The following DENND2B variants were observed in gnomAD, a reference collection of about 807,000 sequenced individuals.
DENND2B encodes the protein DENN domain-containing protein 2B.
DENND2B carries 32 observed loss-of-function variants against 116.0 expected under a neutral mutation model. The observed-to-expected ratio is 0.28, with a 90% CI of 0.21 to 0.37. The LOEUF (loss-of-function observed/expected upper bound fraction) is 0.37. Among genes scored for constraint, DENND2B ranks in the 10% least tolerant of loss-of-function variants. DENND2B has a pLI of 1.00. For synonymous variants in DENND2B, 588 were observed against 583.9 expected, an observed-to-expected ratio of 1.01 and a Z score of -0.10; for missense variants, 1,276 against 1,477.7, an observed-to-expected ratio of 0.86 and a Z score of 2.24.
chr11:8,782,886 C>CAAAA (rs66930048), intron 1 of DENND2B, among the ~76,000 whole-genome samples: 1 of 98,844 alleles, frequency 1.0e-5, no homozygotes, highest in African/African-American at 4.3e-5. Context: ...GACTCTGTCT[C>CAAAA]AAAAAAAAAA....
At chr11:8,724,449 GCAGGCAGCACA>G (rs955666213) in intron 4 of DENND2B, among the ~76,000 whole-genome samples, 3 of 152,214 alleles carry the variant, frequency 2.0e-5, no homozygotes, top group African/African-American at 7.2e-5. Flanking sequence ...GAGCCAGCAA[GCAGGCAGCACA>G]CAGCCTCTCT....
At chr11:8,825,550 G>A (rs1053021750) in intron 4 of DENND2B, among the ~76,000 whole-genome samples, 1 of 151,786 alleles carries the variant, frequency 6.6e-6, no homozygotes, top group East Asian at 1.9e-4. Context: ...ATTTATTCTA[G>A]ATCTCATCAT....
chr11:8,767,001 T>C (rs2055934033), intron 1 of DENND2B, among the ~76,000 whole-genome samples: 1 of 152,190 alleles, frequency 6.6e-6, no homozygotes, highest in Non-Finnish European at 1.5e-5. Flanking sequence ...GAATTTCGAA[T>C]TCCAGGATTG....
intron 1 of DENND2B, among the ~76,000 whole-genome samples, chr11:8,909,248 T>G (rs111339980): frequency 4.0e-4 from 61 of 152,142 alleles, no homozygotes; most frequent in South Asian, 1.0e-3. Flanking sequence ...TTTAAAAAAT[T>G]TGCAGGGCGT....
At position 8,799,926 on chromosome 11, in the gene DENND2B, TATTA is replaced by T. The variant is rs2060172565; in HGVS notation, c.-26+10587_-26+10590del. On this transcript the variant is annotated intron_variant, in intron 1 of 19. Transcript: ENST00000313726. Reference sequence around the variant, plus strand: ...TCAGTCTTCACCATGTATTTATTATTATTATTATTATTATTATTATTATTATTAT... The same window carrying T: ...TCAGTCTTCACCATGTATTTATTATTTTATTATTATTATTATTATTATTAT... 7.6e-4 allele frequency among the ~76,000 whole-genome samples: 5 copies of T among 6,592 alleles called. No homozygotes were observed. In the Non-Finnish European group the frequency reaches 0.013, roughly 17 times the overall value. 4.3% of individuals were successfully genotyped at this position (6,592 alleles called of 152,430 possible).
At chr11:8,799,558 T>C (rs75141075) in intron 1 of DENND2B, among the ~76,000 whole-genome samples, 1 of 127,310 alleles carries the variant, frequency 7.9e-6, no homozygotes, top group African/African-American at 2.8e-5. Flanking sequence ...TCCTCCTTTT[T>C]CTCTTTTTTT....
chr11:8,747,431 G>GT (rs2051465020), intron 2 of DENND2B, among the ~76,000 whole-genome samples: 1 of 151,700 alleles, frequency 6.6e-6, no homozygotes, highest in Non-Finnish European at 1.5e-5. Flanking sequence ...CCTGAGAGCA[G>GT]TAAGTGGCAA....
intron 11 of DENND2B, chr11:8,708,268 A>G (rs1474106172): frequency 2.0e-6 from 2 of 985,364 alleles, no homozygotes; most frequent in African/African-American, 3.5e-5. Context: ...TTTTAGCCCC[A>G]TAGGGCACAT....
At chr11:8,737,337 T>C (rs1404916199) in intron 2 of DENND2B, among the ~76,000 whole-genome samples, 1 of 152,108 alleles carries the variant, frequency 6.6e-6, no homozygotes, top group Non-Finnish European at 1.5e-5. Flanking sequence ...GAAGAGGATT[T>C]AGTGAGAAAA....
In DENND2B at chr11:8,702,921, G is replaced by A; in HGVS notation, c.2572-201C>T. ...CTCGTAGCACTCGAACACCCAGCCT[G>A]TGGGCAAGAGGGCTGCCTGTGAAAG... is the stretch of plus-strand genomic sequence containing the variant. On this transcript the variant is annotated intron_variant, in intron 13 of 19. Transcript: ENST00000313726. The surrounding 1 kb of genome is among the most constrained non-coding windows in gnomAD (Gnocchi z 4.6). 1.5e-6 allele frequency: 1 copy of A among 647,034 alleles called. No individual in the cohort carries two copies. Among genetic ancestry groups the A allele is most frequent in the Non-Finnish European group, 2.5e-6 (1 of 393,028 alleles). The allele number at this position is 647,034 out of a possible 1,614,324, so 40.1% of individuals were successfully genotyped here. A position where few individuals can be genotyped will look rare whatever the true frequency, so the allele number is the denominator to read the frequency against.
chr11:8,737,882 G>T (rs1302512195), intron 2 of DENND2B, among the ~76,000 whole-genome samples: 2 of 151,754 alleles, frequency 1.3e-5, no homozygotes, highest in Non-Finnish European at 1.5e-5. Flanking sequence ...TGAATAGCTG[G>T]GACTACAGGT....
intron 1 of DENND2B, among the ~76,000 whole-genome samples, chr11:8,889,969 T>G (rs2064008729): frequency 6.6e-6 from 1 of 152,014 alleles, no homozygotes; most frequent in South Asian, 2.1e-4. Flanking sequence ...GACCCCCGAG[T>G]AGCCTAACTG....
In DENND2B at chr11:8,898,741, T is replaced by C. The variant is rs557960578; in HGVS notation, c.-256+12080A>G. ...ACCACATTGACTACAAAGCCTAAAA[T>C]ATTTTCTATCCAGTCATTTATAGAA... On this transcript the variant is annotated intron_variant, in intron 1 of 22. Coordinates refer to the DENND2B transcript ENST00000534127. 1.7e-3 allele frequency among the ~76,000 whole-genome samples: 255 copies of C among 152,354 alleles called. 1 individual carries two copies. Among genetic ancestry groups the C allele is most frequent in the Non-Finnish European group, 5.6e-4 (38 of 68,040 alleles).
At chr11:8,697,976 A>C in intron 16 of DENND2B, 1 of 451,682 alleles carries the variant, frequency 2.2e-6, no homozygotes, top group South Asian at 1.6e-5. Context: ...TGCAAAACAC[A>C]CACAAAAAAA....
At chr11:8,882,606 T>C (rs1175236930) in intron 1 of DENND2B, among the ~76,000 whole-genome samples, 1 of 152,244 alleles carries the variant, frequency 6.6e-6, no homozygotes, top group African/African-American at 2.4e-5. Context: ...AATTAATTAA[T>C]CATAGAATGT....
rs1555201245 is a variant in DENND2B at position 8,806,605 on chromosome 11, A to AACACACACAAACACACACACAC, written c.-26+3911_-26+3912insGTGTGTGTGTGTTTGTGTGTGT. 1.8e-4 allele frequency among the ~76,000 whole-genome samples: 21 copies of AACACACACAAACACACACACAC among 118,494 alleles called. 1 individual carries two copies. The highest frequency in any genetic ancestry group is 3.5e-4 in the Non-Finnish European group (20 of 57,466). The allele number at this position is 118,494 out of a possible 152,430, so 77.7% of individuals were successfully genotyped here. ...ATTTAACACCCTCCTCTCCCTTCAA[A>AACACACACAAACACACACACAC]ACACACACACACACACACACACACA... is the stretch of plus-strand genomic sequence containing the variant. On this transcript the variant is annotated intron_variant, in intron 1 of 19. Coordinates refer to ENST00000313726, the MANE Select transcript of DENND2B (RefSeq NM_213618.2).
intron 3 of DENND2B, among the ~76,000 whole-genome samples, chr11:8,843,930 A>G (rs1175059828): frequency 6.6e-6 from 1 of 152,078 alleles, no homozygotes; most frequent in Non-Finnish European, 1.5e-5. Context: ...TCTCCTCAAC[A>G]TTCTTTGCTT....
intron 1 of DENND2B, among the ~76,000 whole-genome samples, chr11:8,797,573 T>G (rs1356105521): frequency 6.7e-6 from 1 of 148,914 alleles, no homozygotes; most frequent in Non-Finnish European, 1.5e-5. Flanking sequence ...TGAGACAGAG[T>G]CTTGCTCTGT....
chr11:8,859,294 TTTTGTTTG>T (rs199899578), intron 2 of DENND2B, among the ~76,000 whole-genome samples: 2 of 151,584 alleles, frequency 1.3e-5, no homozygotes, highest in Non-Finnish European at 2.9e-5. Flanking sequence ...TAACGTGTTT[TTTTGTTTG>T]TTTGTTTGTT....
Sources: gnomAD v4.1 joint callset for allele counts (sites outside exome capture counted in the v4.1 genomes callset) on GRCh38, gnomAD v4.1.1 for gene constraint, Gnocchi (gnomAD v3.1) non-coding constraint, MANE v1.5 for transcripts, NCBI Gene and HGNC (gene_info 2026-07-23, HGNC 2026-07-21) for gene names.